PAPPA2: variants seen among roughly 807,000 people sequenced by gnomAD.
PAPPA2 encodes pappalysin-2.
A neutral mutation model predicts 176.4 loss-of-function variants in PAPPA2; 86 were observed. The observed-to-expected ratio is 0.49, with a 90% CI of 0.41 to 0.58. The LOEUF (loss-of-function observed/expected upper bound fraction) is 0.58. Among genes scored for constraint, PAPPA2 ranks in the 20% least tolerant of loss-of-function variants. The pLI, the probability that PAPPA2 is intolerant of heterozygous loss-of-function variation, is 0.00. For missense variants in PAPPA2, 2,073 were observed against 2,256.9 expected (o/e 0.92, Z 1.65); for synonymous variants, 809 against 852.2 (o/e 0.95, Z 0.88).
At chr1:176,522,153 C>A (rs990892533) in intron 1 of PAPPA2, among the ~76,000 whole-genome samples, 2 of 152,198 alleles carry the variant, frequency 1.3e-5, no homozygotes, top group African/African-American at 2.4e-5. Context: ...AGCATTTAAA[C>A]ATTCCTTTTA....
At chr1:176,612,058 A>G (rs1426650451) in intron 3 of PAPPA2, among the ~76,000 whole-genome samples, 2 of 152,216 alleles carry the variant, frequency 1.3e-5, no homozygotes. Flanking sequence ...ACAAGAATTT[A>G]ATATAAGAAA....
At chr1:176,670,932 C>T (rs755435100) in intron 3 of PAPPA2, 38 bp from the exon 4 acceptor site, 1 of 1,611,916 alleles carries the variant, frequency 6.2e-7, no homozygotes, top group South Asian at 1.1e-5. Flanking sequence ...AGTACCAATT[C>T]TTTGCTGTGA....
At chr1:176,714,270 C>T (rs944299443) in intron 12 of PAPPA2, among the ~76,000 whole-genome samples, 2 of 152,154 alleles carry the variant, frequency 1.3e-5, no homozygotes, top group Admixed American at 1.3e-4. Context: ...GGGTCAGACA[C>T]ACCTCACTAT....
intron 12 of PAPPA2, among the ~76,000 whole-genome samples, chr1:176,712,643 A>C (rs1380023290): frequency 6.6e-6 from 1 of 152,214 alleles, no homozygotes; most frequent in Non-Finnish European, 1.5e-5. Flanking sequence ...ATTACAAGTC[A>C]TTCTGCTATA....
chr1:176,579,623 A>G (rs551155357), intron 2 of PAPPA2, among the ~76,000 whole-genome samples: 5 of 152,328 alleles, frequency 3.3e-5, no homozygotes, highest in Admixed American at 2.6e-4. Flanking sequence ...TCACCAGCCC[A>G]TGTCACTCTT....
intron 3 of PAPPA2, among the ~76,000 whole-genome samples, chr1:176,636,532 G>A (rs1251598342): frequency 6.6e-6 from 1 of 152,114 alleles, no homozygotes; most frequent in Non-Finnish European, 1.5e-5. Context: ...TTAGTGGGCT[G>A]ATATAACCTA....
chr1:176,714,371 T>G (rs1661276182), intron 12 of PAPPA2, among the ~76,000 whole-genome samples: 1 of 151,802 alleles, frequency 6.6e-6, no homozygotes, highest in African/African-American at 2.4e-5. Flanking sequence ...AAAAGAATAC[T>G]TTTTCTCTTC....
Position 176,841,948 on chromosome 1 carries a change from C to T in PAPPA2, c.5302-432C>T, listed in dbSNP as rs1667504368. On this transcript the variant is annotated intron_variant, in intron 22 of 22. Coordinates refer to ENST00000367662, the MANE Select transcript of PAPPA2 (RefSeq NM_020318.3). The stretch of plus-strand genomic sequence containing the variant: ...AGTCACCCCACATCTCTTGCCCTTC[C>T]CTGTAAAGAGAAAATGCTAATGCTA... Among the ~76,000 whole-genome samples, 3 of 152,220 alleles carry T rather than the reference C, an allele frequency of 2.0e-5. No homozygotes were observed. In the South Asian group the frequency reaches 6.2e-4, roughly 32 times the overall value.
chr1:176,611,845 T>C (rs1344489539), intron 3 of PAPPA2, among the ~76,000 whole-genome samples: 1 of 152,210 alleles, frequency 6.6e-6, no homozygotes, highest in African/African-American at 2.4e-5. Context: ...TTTACTTTCT[T>C]TCATTTATCC....
intron 21 of PAPPA2, among the ~76,000 whole-genome samples, chr1:176,819,757 T>A (rs1666579666): frequency 6.6e-6 from 1 of 152,174 alleles, no homozygotes; most frequent in African/African-American, 2.4e-5. Flanking sequence ...GGAAGCAGAA[T>A]GCCTTCCAGG....
intron 3 of PAPPA2, among the ~76,000 whole-genome samples, chr1:176,604,934 A>G (rs539620206): frequency 1.3e-5 from 2 of 152,346 alleles, no homozygotes; most frequent in African/African-American, 4.8e-5. Flanking sequence ...AGACTACACT[A>G]TAGTAAACTT....
intron 3 of PAPPA2, among the ~76,000 whole-genome samples, chr1:176,622,169 T>G (rs1174139848): frequency 2.0e-5 from 3 of 152,178 alleles, no homozygotes; most frequent in Non-Finnish European, 2.9e-5. Flanking sequence ...TCAGGCAACA[T>G]TTACACTGAG....
At chr1:176,676,456 GAA>G (rs796957888) in intron 4 of PAPPA2, among the ~76,000 whole-genome samples, 2 of 139,006 alleles carry the variant, frequency 1.4e-5, no homozygotes, top group Admixed American at 7.3e-5. Flanking sequence ...TATGCTAAGT[GAA>G]AAAAAAAAAG....
intron 17 of PAPPA2, among the ~76,000 whole-genome samples, chr1:176,775,159 G>A (rs1188674838): frequency 1.3e-5 from 2 of 152,094 alleles, no homozygotes; most frequent in Non-Finnish European, 2.9e-5. Flanking sequence ...GATTACAAAT[G>A]ATCTGGTTAC....
rs1053074857 is a variant in PAPPA2, at chr1:176,827,452, G to A, written c.5203-12721G>A. Among the ~76,000 whole-genome samples, 39 of 152,096 alleles carry A rather than the reference G, an allele frequency of 2.6e-4. 1 individual carries two copies. On this transcript the variant is annotated intron_variant, in intron 21 of 22. Coordinates refer to ENST00000367662, the MANE Select transcript of PAPPA2 (RefSeq NM_020318.3). Reference sequence around the variant, plus strand: ...GCTTATATTTGGCCTTCCTGCTGGGGTTATTCTCCCCATTTCTCTGCCAAA... The same window carrying A: ...GCTTATATTTGGCCTTCCTGCTGGGATTATTCTCCCCATTTCTCTGCCAAA...
At chr1:176,668,528 A>G (rs890189906) in intron 3 of PAPPA2, among the ~76,000 whole-genome samples, 2 of 152,220 alleles carry the variant, frequency 1.3e-5, no homozygotes, top group Non-Finnish European at 2.9e-5. Context: ...TCCTAAGCCT[A>G]TGAACCAGAT....
chr1:176,621,079 C>G (rs745433404), intron 3 of PAPPA2, among the ~76,000 whole-genome samples: 4 of 152,014 alleles, frequency 2.6e-5, no homozygotes, highest in Non-Finnish European at 5.9e-5. Flanking sequence ...TAGAAAACCC[C>G]AGGCCAGAAG....
intron 3 of PAPPA2, among the ~76,000 whole-genome samples, chr1:176,647,916 G>A (rs1657503985): frequency 6.6e-6 from 1 of 151,478 alleles, no homozygotes; most frequent in East Asian, 1.9e-4. Context: ...AATTGCTTTG[G>A]CTATTTGGGG....
chr1:176,465,171 T>C (rs1184151664), intron 1 of PAPPA2, among the ~76,000 whole-genome samples: 1 of 152,356 alleles, frequency 6.6e-6, no homozygotes, highest in East Asian at 1.9e-4. Flanking sequence ...TCTAAGTTGT[T>C]TTCAACTTTT....
Sources: gnomAD v4.1 joint callset for allele counts (sites outside exome capture counted in the v4.1 genomes callset) on GRCh38, gnomAD v4.1.1 for gene constraint, MANE v1.5 for transcripts, NCBI Gene and HGNC (gene_info 2026-07-23, HGNC 2026-07-21) for gene names.